OPCML: variants seen among roughly 807,000 people sequenced by gnomAD.
OPCML encodes opioid-binding protein/cell adhesion molecule.
In OPCML, 13 loss-of-function variants were observed where a neutral mutation model predicts 37.8. The observed-to-expected ratio is 0.34, with a 90% CI of 0.22 to 0.55. OPCML has a LOEUF of 0.55. Ranked by LOEUF, OPCML falls within the 20% of genes least tolerant of loss-of-function variation. OPCML has a pLI of 0.91. For missense variants in OPCML, 341 were observed against 435.6 expected (o/e 0.78, Z 1.93); for synonymous variants, 176 against 168.8 (o/e 1.04, Z -0.33).
Position 133,491,985 on chromosome 11 carries a change from G to A in OPCML, c.61+40279C>T, listed in dbSNP as rs141606705. On this transcript the variant is annotated intron_variant, in intron 1 of 7. Coordinates refer to ENST00000524381, the MANE Select transcript of OPCML (RefSeq NM_001012393.5). ...TAAAACTTAGAATAGCCTGGGGTAG[G>A]CAGGAGAGGAGATGAGGAAAGCACG... is the stretch of plus-strand genomic sequence containing the variant. Among the ~76,000 whole-genome samples the A allele has an allele frequency of 2.3e-3, 354 of 152,282 alleles. 3 individuals carry two copies. Among genetic ancestry groups the A allele is most frequent in the Non-Finnish European group, 2.7e-3 (183 of 68,024 alleles).
At chr11:132,582,874 G>T (rs1180171075) in intron 3 of OPCML, among the ~76,000 whole-genome samples, 6 of 127,542 alleles carry the variant, frequency 4.7e-5, no homozygotes, top group Middle Eastern at 4.7e-3. Context: ...TTTTGATAGG[G>T]TCTTGCTATC....
At chr11:132,424,354 C>T (rs1029641889) in intron 7 of OPCML, among the ~76,000 whole-genome samples, 1 of 152,106 alleles carries the variant, frequency 6.6e-6, no homozygotes, top group Non-Finnish European at 1.5e-5. Flanking sequence ...CTCCTGACCT[C>T]GTGATCTGCC....
intron 3 of OPCML, among the ~76,000 whole-genome samples, chr11:132,596,193 C>T (rs957431745): frequency 6.6e-6 from 1 of 152,078 alleles, no homozygotes; most frequent in African/African-American, 2.4e-5. Flanking sequence ...TAGTGCCTGA[C>T]ACAAAGTTAA....
intron 1 of OPCML, among the ~76,000 whole-genome samples, chr11:132,955,864 C>T (rs1252152253): frequency 6.6e-6 from 1 of 152,188 alleles, no homozygotes; most frequent in Non-Finnish European, 1.5e-5. Context: ...GCCTGGATGA[C>T]AGAGCAAGAC....
At chr11:132,797,449 A>G (rs1431875889) in intron 2 of OPCML, among the ~76,000 whole-genome samples, 1 of 152,248 alleles carries the variant, frequency 6.6e-6, no homozygotes, top group Non-Finnish European at 1.5e-5. Flanking sequence ...TCAAAATCCT[A>G]TTCTATTAAT....
At chr11:132,877,186 T>G (rs1258537394) in intron 2 of OPCML, among the ~76,000 whole-genome samples, 1 of 152,130 alleles carries the variant, frequency 6.6e-6, no homozygotes, top group Non-Finnish European at 1.5e-5. Context: ...GTGCAAAATG[T>G]GAGATTCATC....
intron 4 of OPCML, among the ~76,000 whole-genome samples, chr11:132,493,077 A>G (rs2096221062): frequency 6.6e-6 from 1 of 152,242 alleles, no homozygotes; most frequent in South Asian, 2.1e-4. Flanking sequence ...GAGAACAAAG[A>G]AGCCATAAAA....
chr11:133,358,307 CTA>C (rs1944336815), intron 1 of OPCML, among the ~76,000 whole-genome samples: 1 of 152,126 alleles, frequency 6.6e-6, no homozygotes, highest in Non-Finnish European at 1.5e-5. Flanking sequence ...GGCAGGGATT[CTA>C]TTTTGTATTC....
chr11:132,441,357 A>G (rs1425604500), intron 4 of OPCML, among the ~76,000 whole-genome samples: 2 of 150,316 alleles, frequency 1.3e-5, no homozygotes, highest in Non-Finnish European at 3.0e-5. Context: ...TTTAGTAGAG[A>G]CGGGGTTTCA....
chr11:132,851,344 T>G (rs1941800957), intron 2 of OPCML, among the ~76,000 whole-genome samples: 1 of 152,220 alleles, frequency 6.6e-6, no homozygotes, highest in East Asian at 1.9e-4. Context: ...TAATTTTCTT[T>G]GTAATCCTAT....
intron 3 of OPCML, among the ~76,000 whole-genome samples, chr11:132,590,971 C>G (rs1159195245): frequency 6.6e-6 from 1 of 152,162 alleles, no homozygotes; most frequent in Admixed American, 6.5e-5. Flanking sequence ...CTAGAAGAAC[C>G]AGTATCTTCC....
intron 1 of OPCML, among the ~76,000 whole-genome samples, chr11:133,472,556 GT>G (rs1481430914): frequency 6.6e-6 from 1 of 151,692 alleles, no homozygotes; most frequent in African/African-American, 2.4e-5. Context: ...GCTGAGAGCT[GT>G]TTTAGGGGAT....
intron 1 of OPCML, among the ~76,000 whole-genome samples, chr11:133,202,813 T>C (rs572997091): frequency 1.4e-4 from 21 of 152,230 alleles, no homozygotes; most frequent in Non-Finnish European, 2.5e-4. Flanking sequence ...CAGACATCTC[T>C]GGGTGTGCTT....
At chr11:132,818,660 A>ATATATATATATATATAT (rs56858242) in intron 2 of OPCML, among the ~76,000 whole-genome samples, 21,597 of 115,262 alleles carry the variant, frequency 0.19, 2,763 homozygotes, top group Non-Finnish European at 0.25. Context: ...ATATATATAT[A>ATATATATATATATATAT]GACAGATTAT....
At chr11:132,654,605 C>G (rs932274459) in intron 3 of OPCML, among the ~76,000 whole-genome samples, 1 of 148,044 alleles carries the variant, frequency 6.8e-6, no homozygotes, top group East Asian at 2.0e-4. Context: ...TCAAGAGAAG[C>G]TCCTCCCCAA....
chr11:133,363,848 T>G (rs947802053), intron 1 of OPCML, among the ~76,000 whole-genome samples: 1 of 152,202 alleles, frequency 6.6e-6, no homozygotes, highest in African/African-American at 2.4e-5. Context: ...GTCACTTGTC[T>G]CTGTTGGTTT....
At chr11:133,199,505 G>A (rs1938678177) in intron 1 of OPCML, among the ~76,000 whole-genome samples, 1 of 152,152 alleles carries the variant, frequency 6.6e-6, no homozygotes, top group Non-Finnish European at 1.5e-5. Context: ...ACAGTTAGCT[G>A]GATAGATGAG....
chr11:133,411,218 G>A (rs1290566755), intron 1 of OPCML, among the ~76,000 whole-genome samples: 1 of 152,180 alleles, frequency 6.6e-6, no homozygotes, highest in Non-Finnish European at 1.5e-5. Flanking sequence ...TGCCTCGGTG[G>A]TACCCACTGG....
intron 3 of OPCML, among the ~76,000 whole-genome samples, chr11:132,548,344 A>C (rs1000351760): frequency 6.6e-5 from 10 of 152,168 alleles, no homozygotes; most frequent in African/African-American, 2.4e-4. Flanking sequence ...TACAGAATTC[A>C]TGTTCTCCCT....
Sources: allele counts gnomAD v4.1 joint callset (sites outside exome capture counted in the v4.1 genomes callset), GRCh38; gene constraint gnomAD v4.1.1; transcripts MANE v1.5; gene names NCBI Gene and HGNC (gene_info 2026-07-23, HGNC 2026-07-21).